The following CNTN4 variants were observed in gnomAD, a reference collection of about 807,000 sequenced individuals.
CNTN4 encodes the protein contactin-4.
In CNTN4, 77 loss-of-function variants were observed where a neutral mutation model predicts 122.5. That is an observed-to-expected ratio of 0.63 (90% CI 0.52 to 0.76). The LOEUF (loss-of-function observed/expected upper bound fraction) is 0.76. CNTN4 is among the 30% of genes least tolerant of loss of function. The pLI is 0.00. For missense variants in CNTN4, 1,256 were observed against 1,259.1 expected (o/e 1.00, Z 0.04); for synonymous variants, 512 against 447.0 (o/e 1.15, Z -1.83).
At chr3:2,408,106 C>T (rs981738365) in intron 3 of CNTN4, among the ~76,000 whole-genome samples, 2 of 152,162 alleles carry the variant, frequency 1.3e-5, no homozygotes, top group African/African-American at 2.4e-5. Context: ...ATTCTGATTG[C>T]AGACAACTGT....
chr3:2,853,885 T>G (rs1239054078), intron 7 of CNTN4, among the ~76,000 whole-genome samples: 6 of 152,188 alleles, frequency 3.9e-5, no homozygotes, highest in Admixed American at 2.6e-4. Context: ...CACTCCCATC[T>G]CTATGCTGGC....
rs149044650 is a variant in CNTN4 at position 2,940,672 on chromosome 3, A to T, written c.1358+14893A>T. On this transcript the variant is annotated intron_variant, in intron 13 of 24. Transcript: ENST00000418658. ...TAGAAATCAATTATTGTGGGAAATG[A>T]TGAGGAACCTCTGTTCTCTGTGGGT... Among the ~76,000 whole-genome samples, 163 of 152,292 alleles carry T rather than the reference A, an allele frequency of 1.1e-3. 1 individual carries two copies. The highest frequency in any genetic ancestry group is 3.7e-3 in the African/African-American group (152 of 41,572).
intron 7 of CNTN4, among the ~76,000 whole-genome samples, chr3:2,864,099 C>T (rs2093697724): frequency 6.6e-6 from 1 of 152,142 alleles, no homozygotes; most frequent in Non-Finnish European, 1.5e-5. Context: ...TGTTGAAGTG[C>T]AACACCAATA....
At chr3:2,116,359 G>A (rs2033351239) in intron 2 of CNTN4, among the ~76,000 whole-genome samples, 1 of 152,130 alleles carries the variant, frequency 6.6e-6, no homozygotes, top group South Asian at 2.1e-4. Flanking sequence ...GAGGAGGGGA[G>A]ACGTGTTTAT....
intron 2 of CNTN4, among the ~76,000 whole-genome samples, chr3:2,287,817 G>C (rs1187636382): frequency 6.6e-6 from 1 of 151,812 alleles, no homozygotes. Flanking sequence ...GGAGGAAGAG[G>C]AAGAAGAAGA....
intron 2 of CNTN4, among the ~76,000 whole-genome samples, chr3:2,154,229 A>G (rs2149136092): frequency 6.6e-6 from 1 of 152,114 alleles, no homozygotes; most frequent in East Asian, 1.9e-4. Flanking sequence ...TACAAAAAAT[A>G]CAAACATTAA....
chr3:3,056,140 G>A lies in CNTN4; in HGVS notation c.3001G>A (p.Gly1001Arg). 2 of 1,613,946 alleles carry A rather than the reference G, an allele frequency of 1.2e-6. No homozygotes were observed. The highest frequency in any genetic ancestry group is 8.5e-7 in the Non-Finnish European group (1 of 1,179,836). The change falls in exon 25 of 25, where the codon GGG becomes AGG. Residue 1001 changes from glycine (G) to arginine (R), a missense_variant. Coordinates refer to ENST00000418658, the MANE Select transcript of CNTN4 (RefSeq NM_175607.3). ...KISNAYARGS[G>R]ASTSNACTLS... is the part of the protein sequence containing the mutation. ...TTCAGATGCCTACGCGAGAGGATCT[G>A]GGGCTTCCACTTCGAATGCATGTAC...
At chr3:2,123,695 A>G (rs12635166) in intron 2 of CNTN4, among the ~76,000 whole-genome samples, 10,657 of 152,206 alleles carry the variant, frequency 0.07, 531 homozygotes, top group East Asian at 0.23. Context: ...ATGATTTATT[A>G]TAGGGGATTC....
intron 3 of CNTN4, among the ~76,000 whole-genome samples, chr3:2,471,357 A>G (rs2075676076): frequency 6.6e-6 from 1 of 152,226 alleles, no homozygotes; most frequent in Non-Finnish European, 1.5e-5. Flanking sequence ...TATTTGGAAA[A>G]AAATAAGCAT....
At chr3:2,335,146 A>G (rs1559463456) in intron 2 of CNTN4, among the ~76,000 whole-genome samples, 1 of 152,178 alleles carries the variant, frequency 6.6e-6, no homozygotes. Flanking sequence ...CTTTCTGGGC[A>G]GAGGGAGAGT....
intron 24 of CNTN4, among the ~76,000 whole-genome samples, 181 bp downstream of exon 24, chr3:3,054,156 G>A (rs1701551547): frequency 1.3e-5 from 2 of 152,166 alleles, no homozygotes. Context: ...AAATCAGTTT[G>A]CCCGTGTTGA....
intron 14 of CNTN4, among the ~76,000 whole-genome samples, chr3:3,018,804 AC>A (rs1409495881): frequency 6.6e-6 from 1 of 152,182 alleles, no homozygotes; most frequent in Non-Finnish European, 1.5e-5. Context: ...GCCATCCTCC[AC>A]TAAAAAGAAC....
intron 14 of CNTN4, among the ~76,000 whole-genome samples, chr3:3,019,676 G>GTA (rs1399283739): frequency 1.3e-5 from 2 of 151,154 alleles, no homozygotes; most frequent in Non-Finnish European, 2.9e-5. Flanking sequence ...ATATATATGT[G>GTA]TATATATGTA....
intron 3 of CNTN4, among the ~76,000 whole-genome samples, chr3:2,452,499 A>C (rs2151374890): frequency 6.6e-6 from 1 of 152,268 alleles, no homozygotes; most frequent in East Asian, 1.9e-4. Context: ...AAAAGTGCCA[A>C]GTGATCCTCA....
intron 2 of CNTN4, among the ~76,000 whole-genome samples, chr3:2,205,219 T>C (rs969998745): frequency 6.6e-6 from 1 of 151,048 alleles, no homozygotes; most frequent in African/African-American, 2.4e-5. Flanking sequence ...ATCCAAGATA[T>C]TTTTAATAAT....
intron 8 of CNTN4, among the ~76,000 whole-genome samples, chr3:2,870,518 T>A (rs924179014): frequency 6.6e-6 from 1 of 152,174 alleles, no homozygotes; most frequent in Admixed American, 6.6e-5. Context: ...GAGGACATTC[T>A]TGTTAAAATC....
chr3:2,905,843 C>T (rs1443840821), intron 12 of CNTN4, among the ~76,000 whole-genome samples: 1 of 152,198 alleles, frequency 6.6e-6, no homozygotes, highest in Admixed American at 6.5e-5. Context: ...TAGTCCAGAT[C>T]AGAATGAAAT....
intron 13 of CNTN4, among the ~76,000 whole-genome samples, chr3:2,948,317 T>C (rs2094700521): frequency 6.6e-6 from 1 of 152,088 alleles, no homozygotes; most frequent in African/African-American, 2.4e-5. Context: ...CTACAGAGCC[T>C]AGAGGAAGGA....
At chr3:2,616,468 AT>A (rs1219685546) in intron 4 of CNTN4, among the ~76,000 whole-genome samples, 2 of 152,174 alleles carry the variant, frequency 1.3e-5, no homozygotes, top group Non-Finnish European at 2.9e-5. Flanking sequence ...TAGTAGAATG[AT>A]TTATATTCCT....
Sources: allele counts gnomAD v4.1 joint callset (sites outside exome capture counted in the v4.1 genomes callset), GRCh38; gene constraint gnomAD v4.1.1; transcripts MANE v1.5; gene names NCBI Gene and HGNC (gene_info 2026-07-23, HGNC 2026-07-21).